DLG2: variants seen among roughly 807,000 people sequenced by gnomAD.
The protein encoded by DLG2 is disks large homolog 2.
A neutral mutation model predicts 132.5 loss-of-function variants in DLG2; 45 were observed. That is an observed-to-expected ratio of 0.34 (90% confidence interval 0.27 to 0.44). The LOEUF (loss-of-function observed/expected upper bound fraction) is 0.44, where lower values mean the gene tolerates loss of function less well. Ranked by LOEUF, DLG2 falls within the 20% of genes least tolerant of loss-of-function variation. The probability of loss-of-function intolerance (pLI) is 1.00; values close to 1 mark genes in which losing one functional copy is unlikely to be tolerated. For synonymous variants in DLG2, 424 were observed against 419.6 expected, an observed-to-expected ratio of 1.01 and a Z score of -0.13; for missense variants, 1,045 against 1,196.9, an observed-to-expected ratio of 0.87 and a Z score of 1.87.
At chr11:85,291,423 T>C (rs962948437) in intron 3 of DLG2, among the ~76,000 whole-genome samples, 1 of 152,070 alleles carries the variant, frequency 6.6e-6, no homozygotes, top group African/African-American at 2.4e-5. Context: ...GGCATAGTAT[T>C]ATGGGAACAA....
intron 26 of DLG2, 28 bp from the exon 27 acceptor site, chr11:83,462,121 C>T: frequency 7.1e-7 from 1 of 1,402,592 alleles, no homozygotes; most frequent in South Asian, 1.2e-5. Context: ...TGTATTAGAA[C>T]ATAAAGGGAA....
At chr11:85,417,834 TC>T (rs1245735863) in intron 3 of DLG2, among the ~76,000 whole-genome samples, 1 of 152,186 alleles carries the variant, frequency 6.6e-6, no homozygotes, top group African/African-American at 2.4e-5. Context: ...TTCTCTCTTT[TC>T]TTCTTTATTA....
intron 8 of DLG2, among the ~76,000 whole-genome samples, chr11:84,167,466 C>T (rs560722573): frequency 2.0e-5 from 3 of 152,146 alleles, no homozygotes; most frequent in Admixed American, 6.5e-5. Context: ...AATCACCTGC[C>T]TGGATGATGA....
chr11:84,447,911 G>A (rs907090791), intron 7 of DLG2, among the ~76,000 whole-genome samples: 5 of 152,040 alleles, frequency 3.3e-5, no homozygotes, highest in Middle Eastern at 3.2e-3. Context: ...AGCTCCTCAC[G>A]AGCAATGTAG....
At chr11:85,388,891 C>T (rs888564609) in intron 3 of DLG2, among the ~76,000 whole-genome samples, 2 of 152,074 alleles carry the variant, frequency 1.3e-5, no homozygotes, top group Non-Finnish European at 2.9e-5. Context: ...AAAGTCTACT[C>T]ATAAGAAGAA....
chr11:85,129,729 T>A (rs1357446849), intron 5 of DLG2, among the ~76,000 whole-genome samples: 2 of 152,172 alleles, frequency 1.3e-5, no homozygotes, highest in African/African-American at 4.8e-5. Context: ...AGATTATAAA[T>A]CATTCTACTA....
chr11:83,752,274 A>G (rs1340966130), intron 18 of DLG2, among the ~76,000 whole-genome samples: 1 of 142,638 alleles, frequency 7.0e-6, no homozygotes, highest in African/African-American at 2.9e-5. Context: ...TCTCAAAAGA[A>G]AAAAAAAAAA....
At chr11:85,526,287 TAA>T (rs906011526) in intron 3 of DLG2, among the ~76,000 whole-genome samples, 44 of 152,002 alleles carry the variant, frequency 2.9e-4, no homozygotes, top group Middle Eastern at 6.8e-3. Context: ...AGAAAAATCT[TAA>T]AAGAGTCAGA....
intron 6 of DLG2, among the ~76,000 whole-genome samples, chr11:85,058,756 A>T (rs2063720586): frequency 6.6e-6 from 1 of 151,538 alleles, no homozygotes; most frequent in African/African-American, 2.4e-5. Context: ...TCAAAGGTAT[A>T]CTATAATTAA....
rs192982641 is a variant in DLG2, at chr11:85,427,191, G to A, written c.41-141826C>T. 5.3e-3 allele frequency among the ~76,000 whole-genome samples: 812 copies of A among 152,018 alleles called. 10 individuals carry two copies. Among genetic ancestry groups the A allele is most frequent in the African/African-American group, 0.019 (791 of 41,528 alleles). On this transcript the variant is annotated intron_variant, in intron 3 of 27. Coordinates refer to ENST00000376104, the MANE Select transcript of DLG2 (RefSeq NM_001142699.3). ...TGAAAGGGAGAATGGAACCAAGTTG[G>A]AAAGCACTCTACAGGATATTATCCA...
intron 16 of DLG2, among the ~76,000 whole-genome samples, chr11:83,858,924 T>C (rs1038738114): frequency 6.6e-6 from 1 of 152,200 alleles, no homozygotes; most frequent in African/African-American, 2.4e-5. Context: ...AACTTTGTAA[T>C]GATTTCAACT....
At chr11:83,606,975 A>C (rs1028275664) in intron 19 of DLG2, among the ~76,000 whole-genome samples, 2 of 152,208 alleles carry the variant, frequency 1.3e-5, no homozygotes, top group Non-Finnish European at 2.9e-5. Flanking sequence ...ATTAAATTTA[A>C]AGGAGTTTAA....
In DLG2 at chr11:84,251,272, A is replaced by C; in HGVS notation, c.539T>G (p.Ile180Ser). Residue 180 changes from isoleucine to serine, a missense_variant, in exon 8 of 28, where the codon ATT becomes AGT. Physicochemically the swap from Ile to Ser is moderately radical, Grantham distance 142 (BLOSUM62 -2). Coordinates refer to ENST00000376104, the MANE Select transcript of DLG2 (RefSeq NM_001142699.3). Reference sequence around the variant, plus strand: ...TGTGTCCAAAGTATCTGTGTTGACAATTATAGGAGCAGGACTGGCCTGAAA... The same window carrying C: ...TGTGTCCAAAGTATCTGTGTTGACACTTATAGGAGCAGGACTGGCCTGAAA... ...SPLKASPAPI[I>S]VNTDTLDTIP... 1 of 1,595,172 alleles carries C rather than the reference A, an allele frequency of 6.3e-7. No homozygotes were observed. The highest frequency in any genetic ancestry group is 1.7e-4 in the Middle Eastern group (1 of 5,718).
intron 3 of DLG2, among the ~76,000 whole-genome samples, chr11:85,354,898 C>A (rs2083574148): frequency 6.6e-6 from 1 of 151,804 alleles, no homozygotes; most frequent in African/African-American, 2.4e-5. Flanking sequence ...AGATAATTAA[C>A]TCTTGTCTCT....
chr11:84,180,780 A>T (rs117123104), intron 8 of DLG2, among the ~76,000 whole-genome samples: 6,659 of 152,182 alleles, frequency 0.044, 193 homozygotes, highest in Non-Finnish European at 0.072. Context: ...TGAAATATTG[A>T]AAGTGTGGGG....
At chr11:85,584,155 C>T (rs1198567695) in intron 3 of DLG2, among the ~76,000 whole-genome samples, 5 of 151,770 alleles carry the variant, frequency 3.3e-5, no homozygotes, top group African/African-American at 1.2e-4. Flanking sequence ...GTCTTTTTTC[C>T]TTCACCCTCT....
intron 18 of DLG2, among the ~76,000 whole-genome samples, chr11:83,660,190 C>T (rs2073893229): frequency 6.6e-6 from 1 of 152,078 alleles, no homozygotes; most frequent in African/African-American, 2.4e-5. Context: ...AAAAATAAGA[C>T]ATAACCTAGC....
intron 3 of DLG2, among the ~76,000 whole-genome samples, chr11:85,412,760 C>CACACACACATATAT (rs756868795): frequency 6.2e-5 from 7 of 113,278 alleles, no homozygotes; most frequent in South Asian, 3.1e-4. Flanking sequence ...CACACACACA[C>CACACACACATATAT]ATATATATAT....
chr11:84,533,682 A>C (rs141389608), intron 7 of DLG2, among the ~76,000 whole-genome samples: 61 of 152,086 alleles, frequency 4.0e-4, no homozygotes, highest in Middle Eastern at 6.8e-3. Context: ...TTTATTTTTT[A>C]TTGTAGCACA....
Sources: gnomAD v4.1 joint callset for allele counts (sites outside exome capture counted in the v4.1 genomes callset) on GRCh38, gnomAD v4.1.1 for gene constraint, MANE v1.5 for transcripts, NCBI Gene and HGNC (gene_info 2026-07-23, HGNC 2026-07-21) for gene names.